Variants in SYNJ2 observed in about 807,000 individuals in gnomAD.
The protein encoded by SYNJ2 is polyphosphatidylinositol phosphatase SYNJ2.
In SYNJ2, 116 loss-of-function variants were observed where a neutral mutation model predicts 141.3. The ratio of observed to expected loss-of-function variants is 0.82; its 90% CI spans 0.71 to 0.96. The LOEUF (loss-of-function observed/expected upper bound fraction) is 0.96. SYNJ2 is among the 40% of genes least tolerant of loss of function. SYNJ2 has a pLI of 0.00. For synonymous variants in SYNJ2, 745 were observed against 777.7 expected (o/e 0.96, Z 0.70); for missense variants, 1,873 against 1,934.8 (o/e 0.97, Z 0.60).
chr6:158,042,961 A>G (rs916813171), intron 4 of SYNJ2, among the ~76,000 whole-genome samples: 6 of 152,216 alleles, frequency 3.9e-5, no homozygotes, highest in African/African-American at 1.4e-4. Context: ...GGAAGGTTAC[A>G]TTCCAGAGCA....
chr6:157,996,525 C>G (rs1468757890), intron 1 of SYNJ2, among the ~76,000 whole-genome samples: 3 of 152,160 alleles, frequency 2.0e-5, no homozygotes, highest in Non-Finnish European at 4.4e-5. Flanking sequence ...TGACTTGTTC[C>G]TGCTCAGAAT....
chr6:157,986,277 C>T (rs73577694), intron 1 of SYNJ2, among the ~76,000 whole-genome samples: 32,699 of 152,108 alleles, frequency 0.21, 3,839 homozygotes, highest in Middle Eastern at 0.3. Context: ...CTCTCCTAGC[C>T]GGAGGCTGTC....
chr6:158,057,093 A>C (rs575057408), intron 6 of SYNJ2, among the ~76,000 whole-genome samples: 77 of 152,218 alleles, frequency 5.1e-4, no homozygotes, highest in African/African-American at 1.8e-3. Flanking sequence ...TGCTGTGCAC[A>C]TCAGGGTGTG....
intron 3 of SYNJ2, among the ~76,000 whole-genome samples, chr6:158,031,297 T>C (rs1779348024): frequency 6.6e-6 from 1 of 152,202 alleles, no homozygotes. Context: ...CCTTGGGGTA[T>C]CTGAATTGCA....
At chr6:158,069,096 GAGAGGTGAGAAAGTGTGAGTGCCGGGA>G (rs1195395649) in intron 13 of SYNJ2, among the ~76,000 whole-genome samples, 2 of 152,114 alleles carry the variant, frequency 1.3e-5, no homozygotes, top group African/African-American at 4.8e-5. Flanking sequence ...GTTTCCTGGG[GAGAGGTGAGAAAGTGTGAGTGCCGGGA>G]AGAGGTACTT....
At chr6:158,060,080 G>A (rs570360609) in intron 7 of SYNJ2, among the ~76,000 whole-genome samples, 6 of 152,308 alleles carry the variant, frequency 3.9e-5, no homozygotes, top group Admixed American at 1.3e-4. Flanking sequence ...AGGGCACCCG[G>A]CCTCAGGGCT....
At chr6:158,090,540 T>G (rs1346190991) in intron 25 of SYNJ2, among the ~76,000 whole-genome samples, 1 of 142,442 alleles carries the variant, frequency 7.0e-6, no homozygotes, top group Non-Finnish European at 1.5e-5. Flanking sequence ...GTTTTTTTTT[T>G]TGTTTTTTTT....
chr6:157,996,228 C>T (rs1489939312), intron 1 of SYNJ2, among the ~76,000 whole-genome samples: 1 of 152,202 alleles, frequency 6.6e-6, no homozygotes, highest in African/African-American at 2.4e-5. Context: ...TCTGACGCCC[C>T]TTCCTTCCTC....
intron 1 of SYNJ2, among the ~76,000 whole-genome samples, chr6:158,015,847 A>G (rs562418213): frequency 9.2e-5 from 14 of 152,322 alleles, no homozygotes; most frequent in South Asian, 4.1e-4. Context: ...CTTGATTTTT[A>G]TAACAGCTTT....
chr6:158,040,533 TAAA>T lies in SYNJ2; in HGVS notation c.712-2773_712-2771del, dbSNP rs34645890. 2.1e-5 allele frequency among the ~76,000 whole-genome samples: 3 copies of T among 143,246 alleles called. No homozygotes were observed. Among genetic ancestry groups the T allele is most frequent in the Admixed American group, 2.1e-4 (3 of 14,334 alleles). 94.0% of individuals were successfully genotyped at this position (143,246 alleles called of 152,430 possible). On this transcript the variant is annotated intron_variant, in intron 4 of 26. Coordinates refer to ENST00000355585, the MANE Select transcript of SYNJ2 (RefSeq NM_003898.4). The surrounding 1 kb of genome is among the most constrained non-coding windows in gnomAD (Gnocchi z 4.2). Reference sequence around the variant, plus strand: ...AGACCAAAAAGTCCCCTCAGTCTATTAAAAAAAAAAAAGGATGTAAGATAAATA... The same window carrying T: ...AGACCAAAAAGTCCCCTCAGTCTATTAAAAAAAAAGGATGTAAGATAAATA...
At position 157,983,947 on chromosome 6, in the gene SYNJ2, C is replaced by G. The variant is rs549535888; in HGVS notation, c.127+1859C>G. Reference sequence around the variant, plus strand: ...GGCTCAAGCGATCCTCCTGCCTCAGCCTCCTGAGTAGCTGGGACTATAGGC... The same window carrying G: ...GGCTCAAGCGATCCTCCTGCCTCAGGCTCCTGAGTAGCTGGGACTATAGGC... On this transcript the variant is annotated intron_variant, in intron 1 of 26. Coordinates refer to ENST00000355585, the MANE Select transcript of SYNJ2 (RefSeq NM_003898.4). Among the ~76,000 whole-genome samples, 4 of 152,266 alleles carry G rather than the reference C, an allele frequency of 2.6e-5. No homozygotes were observed. The South Asian group carries it at 8.3e-4, about 32-fold the overall frequency.
At chr6:158,068,365 A>G (rs1781697130) in intron 12 of SYNJ2, among the ~76,000 whole-genome samples, 1 of 152,108 alleles carries the variant, frequency 6.6e-6, no homozygotes, top group South Asian at 2.1e-4. Context: ...TCGTGACTGG[A>G]CAGATTCAGT....
rs76153841 is a variant in SYNJ2, at chr6:158,070,493, G to A, written c.1940+820G>A. 6.1e-6 allele frequency: 6 copies of A among 985,534 alleles called. No individual in the cohort carries two copies. Among genetic ancestry groups the A allele is most frequent in the African/African-American group, 1.7e-5 (1 of 57,330 alleles). 61.0% of individuals were successfully genotyped at this position (985,534 alleles called of 1,614,324 possible). A position where few individuals can be genotyped will look rare whatever the true frequency, so the allele number is the denominator to read the frequency against. On this transcript the variant is annotated intron_variant, in intron 14 of 26. Coordinates refer to ENST00000355585, the MANE Select transcript of SYNJ2 (RefSeq NM_003898.4). The surrounding 1 kb of genome is among the most constrained non-coding windows in gnomAD (Gnocchi z 4.0). ...TTTGGGCAGCTTGGCAGTGTCCTAGGTTAGCAGGTGAAGGTTAGTAAAGGT... is the reference window on the plus strand; with the variant it reads ...TTTGGGCAGCTTGGCAGTGTCCTAGATTAGCAGGTGAAGGTTAGTAAAGGT...
chr6:158,083,721 T>C, intron 21 of SYNJ2, 124 bp downstream of exon 21: 1 of 1,276,080 alleles, frequency 7.8e-7, no homozygotes, highest in Non-Finnish European at 1.1e-6. Flanking sequence ...GCAAGCCCTC[T>C]GTCCCATGTG....
At chr6:158,046,867 G>C (rs1780262967) in intron 5 of SYNJ2, among the ~76,000 whole-genome samples, 1 of 151,928 alleles carries the variant, frequency 6.6e-6, no homozygotes, top group African/African-American at 2.4e-5. Flanking sequence ...TGACAACGTT[G>C]CTCCCCTGGT....
chr6:158,057,633 T>G (rs945683047), intron 6 of SYNJ2, among the ~76,000 whole-genome samples: 2 of 152,216 alleles, frequency 1.3e-5, no homozygotes, highest in African/African-American at 4.8e-5. Context: ...TAATGAGTAA[T>G]AACAGTTTCC....
chr6:158,078,923 T>C (rs1017802069), intron 18 of SYNJ2: 2 of 152,228 alleles, frequency 1.3e-5, no homozygotes, highest in African/African-American at 4.8e-5. Flanking sequence ...GCCTCCCAAG[T>C]AGCTGGGATT....
rs915540579 is a variant in SYNJ2 at position 158,098,197 on chromosome 6, C to T, written c.*1833C>T. 3.3e-5 allele frequency: 5 copies of T among 152,170 alleles called. No individual in the cohort carries two copies. Among genetic ancestry groups the T allele is most frequent in the African/African-American group, 4.8e-5 (2 of 41,442 alleles). The allele number at this position is 152,170 out of a possible 1,614,324, so 9.4% of individuals were successfully genotyped here. ...ATTTGAAAACAGATAAATGTAACAA[C>T]CAGTCAAAGAAGCAGGGGAAAAGTA... On this transcript the variant is annotated 3_prime_UTR_variant, in exon 27 of 27. Coordinates refer to ENST00000355585, the MANE Select transcript of SYNJ2 (RefSeq NM_003898.4).
intron 1 of SYNJ2, among the ~76,000 whole-genome samples, chr6:158,016,048 A>T (rs1778441029): frequency 6.6e-6 from 1 of 152,178 alleles, no homozygotes. Context: ...CCCCACTCTC[A>T]GCCCCTGGCA....
Sources: gnomAD v4.1 joint callset for allele counts (sites outside exome capture counted in the v4.1 genomes callset) on GRCh38, gnomAD v4.1.1 for gene constraint, Gnocchi (gnomAD v3.1) non-coding constraint, MANE v1.5 for transcripts, NCBI Gene and HGNC (gene_info 2026-07-23, HGNC 2026-07-21) for gene names.